Variants in CD36 observed in about 807,000 individuals in gnomAD.
CD36 encodes the protein CD36 molecule (CD36 blood group).
In CD36, 119 loss-of-function variants were observed where a neutral mutation model predicts 55.2. The observed-to-expected ratio is 2.15, with a 90% CI of 1.86 to 2.51. The LOEUF is 2.51. Among genes scored for constraint, CD36 ranks in the 30% most tolerant of loss-of-function variants. The pLI is 0.00. For synonymous variants in CD36, 186 were observed against 193.6 expected, an observed-to-expected ratio of 0.96 and a Z score of 0.33; for missense variants, 819 against 555.5, an observed-to-expected ratio of 1.47 and a Z score of -4.77.
At chr7:80,627,685 C>T (rs578045649) in intron 1 of CD36, among the ~76,000 whole-genome samples, 2 of 152,128 alleles carry the variant, frequency 1.3e-5, no homozygotes, top group East Asian at 3.9e-4. Context: ...CAAAACAATA[C>T]AACTATTTCA....
intron 1 of CD36, among the ~76,000 whole-genome samples, chr7:80,615,990 C>T (rs528996408): frequency 6.6e-6 from 1 of 151,166 alleles, no homozygotes; most frequent in South Asian, 2.1e-4. Context: ...GATTTTATAG[C>T]CTTAACAGAT....
intron 3 of CD36, among the ~76,000 whole-genome samples, chr7:80,650,535 T>G (rs993813468): frequency 6.6e-6 from 1 of 152,178 alleles, no homozygotes; most frequent in Non-Finnish European, 1.5e-5. Context: ...GTTTTGGTAC[T>G]GTTGACTTCT....
chr7:80,669,843 C>A, intron 8 of CD36, 110 bp from the exon 9 acceptor site: 1 of 799,012 alleles, frequency 1.3e-6, no homozygotes, highest in Non-Finnish European at 2.2e-6. Context: ...AGATAAATTA[C>A]TTAGGCAGTT....
intron 1 of CD36, among the ~76,000 whole-genome samples, chr7:80,610,917 T>C (rs927603012): frequency 6.6e-6 from 1 of 151,640 alleles, no homozygotes; most frequent in South Asian, 2.1e-4. Context: ...TCTCTGTCAG[T>C]CAGGCTGGAG....
rs1798256390 is a variant in CD36, at chr7:80,679,199, C to G, written c.*2816C>G. The G allele has an allele frequency of 6.6e-6, 1 of 152,128 alleles. No homozygotes were observed. The highest frequency in any genetic ancestry group is 2.4e-5 in the African/African-American group (1 of 41,500). The allele number at this position is 152,128 out of a possible 1,614,324, so 9.4% of individuals were successfully genotyped here. ...TATCAAATACATAAAAGGAATACTG[C>G]TTTTTCCTTTTGTGGCTCAAAGGTA... On this transcript the variant is annotated 3_prime_UTR_variant, in exon 15 of 15. Coordinates refer to ENST00000447544, the MANE Select transcript of CD36 (RefSeq NM_001001548.3).
In CD36 at chr7:80,670,010, C is replaced by A. The variant is rs201376087; in HGVS notation, c.806C>A (p.Ser269Tyr). Residue 269 changes from serine to tyrosine, a missense_variant, in exon 9 of 15, where the codon TCT becomes TAT. By Grantham distance (144) the Ser-to-Tyr change is moderately radical (BLOSUM62 -2). Coordinates refer to ENST00000447544, the MANE Select transcript of CD36 (RefSeq NM_001001548.3). ...AGCCAGGTATTGCAGTTCTTTTCTT[C>A]TGATATTTGCAGGTAAGACAGATAC... ...EKSQVLQFFS[S>Y]DICRSIYAVF... 72 of 1,605,234 alleles carry A rather than the reference C, an allele frequency of 4.5e-5. No individual in the cohort carries two copies. In the Middle Eastern group the frequency reaches 1.3e-3, roughly 30 times the overall value.
intron 1 of CD36, among the ~76,000 whole-genome samples, chr7:80,610,086 T>G (rs1792791810): frequency 6.6e-6 from 1 of 152,186 alleles, no homozygotes; most frequent in Non-Finnish European, 1.5e-5. Context: ...AGAAGTATTA[T>G]CCAAAAGCAC....
chr7:80,647,103 C>CA lies in CD36; in HGVS notation c.120+243_120+244insA, dbSNP rs1300357529. On this transcript the variant is annotated intron_variant, in intron 3 of 14. Transcript: ENST00000447544. ...TATAAATACCAAATTCTATTAAAAG[C>CA]TGTCTACAGGTATGCATGTTAGTAG... 4.9e-3 allele frequency: 2,172 copies of CA among 443,876 alleles called. 51 individuals carry two copies. The highest frequency in any genetic ancestry group is 0.039 in the African/African-American group (1,967 of 49,970). 27.5% of individuals were successfully genotyped at this position (443,876 alleles called of 1,614,324 possible). A position where few individuals can be genotyped will look rare whatever the true frequency, so the allele number is the denominator to read the frequency against.
upstream of CD36, among the ~76,000 whole-genome samples, chr7:80,635,977 C>T (rs112047786): frequency 1.3e-5 from 2 of 152,220 alleles, no homozygotes; most frequent in African/African-American, 4.8e-5. Flanking sequence ...AGACAAGCAT[C>T]CCCCTCCTCA....
intron 4 of CD36, 41 bp from the exon 5 acceptor site, chr7:80,661,022 A>G: frequency 1.3e-5 from 18 of 1,436,466 alleles, no homozygotes; most frequent in Middle Eastern, 1.8e-4. Context: ...ATGTTCACAT[A>G]TGACAAATGT....
intron 4 of CD36, among the ~76,000 whole-genome samples, chr7:80,659,610 C>T (rs1409101821): frequency 2.0e-5 from 3 of 152,228 alleles, no homozygotes; most frequent in East Asian, 1.9e-4. Flanking sequence ...CTTTTTAAAA[C>T]AACATTCTAA....
intron 1 of CD36, among the ~76,000 whole-genome samples, chr7:80,641,808 T>C (rs2116317003): frequency 6.6e-6 from 1 of 152,206 alleles, no homozygotes; most frequent in East Asian, 1.9e-4. Context: ...AACTGTTTAC[T>C]GAAGAGGCTT....
intron 1 of CD36, among the ~76,000 whole-genome samples, chr7:80,612,763 T>C (rs1761665): frequency 0.54 from 81,891 of 152,024 alleles, 23,098 homozygotes; most frequent in South Asian, 0.71. Flanking sequence ...GTATTCACTG[T>C]GTCTTAAATG....
chr7:80,659,519 T>C (rs189703287), intron 4 of CD36, among the ~76,000 whole-genome samples: 6 of 152,260 alleles, frequency 3.9e-5, no homozygotes, highest in Middle Eastern at 3.4e-3. Context: ...ATAAATTCCT[T>C]CCCTTGACCT....
chr7:80,615,980 G>T (rs922949969), intron 1 of CD36, among the ~76,000 whole-genome samples: 2 of 152,032 alleles, frequency 1.3e-5, no homozygotes, highest in African/African-American at 4.8e-5. Flanking sequence ...ATTTTGATTT[G>T]ATTTTATAGC....
intron 3 of CD36, among the ~76,000 whole-genome samples, chr7:80,650,461 A>G (rs888962580): frequency 9.2e-5 from 14 of 152,142 alleles, no homozygotes; most frequent in African/African-American, 3.4e-4. Context: ...GTAAACCTAG[A>G]GAGCCAAGTG....
chr7:80,672,667 C>A, intron 11 of CD36, 103 bp from the exon 12 acceptor site: 3 of 790,944 alleles, frequency 3.8e-6, no homozygotes, highest in Non-Finnish European at 6.5e-6. Context: ...TCCTGTTTAA[C>A]CTTAAGTTAC....
intron 11 of CD36, among the ~76,000 whole-genome samples, chr7:80,672,444 T>C (rs576854818): frequency 3.3e-5 from 5 of 151,962 alleles, no homozygotes; most frequent in African/African-American, 9.6e-5. Flanking sequence ...CAATGACACA[T>C]GGATTCTAAC....
In CD36 at chr7:80,670,179, A is replaced by AT. The variant is rs1232260065; in HGVS notation, c.818+171dup. The AT allele has an allele frequency of 0.034, 18,029 of 528,572 alleles. 103 individuals carry two copies. Among genetic ancestry groups the AT allele is most frequent in the African/African-American group, 0.075 (3,804 of 50,460 alleles). 32.7% of individuals were successfully genotyped at this position (528,572 alleles called of 1,614,324 possible). A position where few individuals can be genotyped will look rare whatever the true frequency, so the allele number is the denominator to read the frequency against. ...CATCTTCCAATTTTTAATAGTACAA[A>AT]TTTTTTTTTTTTTTGCCATTTCTAT... On this transcript the variant is annotated intron_variant, in intron 9 of 14. Transcript: ENST00000447544.
Sources: allele counts gnomAD v4.1 joint callset (sites outside exome capture counted in the v4.1 genomes callset), GRCh38; gene constraint gnomAD v4.1.1; transcripts MANE v1.5; gene names NCBI Gene and HGNC (gene_info 2026-07-23, HGNC 2026-07-21).